EVC2: variants seen among roughly 807,000 people sequenced by gnomAD.
The protein encoded by EVC2 is EvC ciliary complex subunit 2.
EVC2 carries 148 observed loss-of-function variants against 149.3 expected under a neutral mutation model. That is an observed-to-expected ratio of 0.99 (90% confidence interval 0.87 to 1.14). The LOEUF is 1.14. Ranked by LOEUF, EVC2 falls within the 50% of genes most tolerant of loss-of-function variation. The probability of loss-of-function intolerance (pLI) is 0.00; values close to 1 mark genes in which losing one functional copy is unlikely to be tolerated. For missense variants in EVC2, 1,854 were observed against 1,627.3 expected (o/e 1.14, Z -2.40); for synonymous variants, 776 against 649.9 (o/e 1.19, Z -2.95).
chr4:5,606,113 A>C (rs778319143), intron 16 of EVC2, among the ~76,000 whole-genome samples: 10 of 152,168 alleles, frequency 6.6e-5, no homozygotes, highest in Non-Finnish European at 1.3e-4. Flanking sequence ...CTCCCCACCA[A>C]ATATTCTCTA....
chr4:5,646,220 C>G (rs561228640), intron 9 of EVC2, among the ~76,000 whole-genome samples: 2 of 152,278 alleles, frequency 1.3e-5, no homozygotes, highest in East Asian at 3.9e-4. Flanking sequence ...CATAAGCCAC[C>G]GTGCCAGGTC....
In EVC2 at chr4:5,696,353, G is replaced by C. The variant is rs192063543; in HGVS notation, c.283+1240C>G. Among the ~76,000 whole-genome samples the C allele has an allele frequency of 3.0e-4, 46 of 152,088 alleles. No homozygotes were observed. The highest frequency in any genetic ancestry group is 1.0e-3 in the African/African-American group (43 of 41,424). On this transcript the variant is annotated intron_variant, in intron 2 of 21. Coordinates refer to ENST00000344408, the MANE Select transcript of EVC2 (RefSeq NM_147127.5). This position sits in a 1 kb window ranked among gnomAD's most constrained non-coding sequence, Gnocchi z 4.1. ...CCCTCCTCTATTCAGCAAGAATCCC[G>C]CTCAGTCTACAGAGCCAAGTGGGGC... is the stretch of plus-strand genomic sequence containing the variant.
At position 5,562,505 on chromosome 4, in the gene EVC2, AC is replaced by A; in HGVS notation, c.*342del. The A allele has an allele frequency of 8.7e-7, 1 of 1,145,212 alleles. No homozygotes were observed. The highest frequency in any genetic ancestry group is 1.1e-6 in the Non-Finnish European group (1 of 928,874). The allele number at this position is 1,145,212 out of a possible 1,614,324, so 70.9% of individuals were successfully genotyped here. A position where few individuals can be genotyped will look rare whatever the true frequency, so the allele number is the denominator to read the frequency against. The stretch of plus-strand genomic sequence containing the variant: ...AAATAGAATATGTAACAAATACAAA[AC>A]ATAAGAGTAGAGAATCTGGCTGTCA... On this transcript the variant is annotated 3_prime_UTR_variant, in exon 22 of 22. Transcript: ENST00000344408. The surrounding 1 kb of genome is among the most constrained non-coding windows in gnomAD (Gnocchi z 4.3).
chr4:5,638,503 G>T (rs1267448908), intron 10 of EVC2, among the ~76,000 whole-genome samples: 1 of 152,076 alleles, frequency 6.6e-6, no homozygotes, highest in Non-Finnish European at 1.5e-5. Context: ...CTTCCTAAGG[G>T]CTCGGCTCAA....
In EVC2 at chr4:5,633,923, T is replaced by C. The variant is rs1716724344; in HGVS notation, c.1471-1891A>G. ...ACATGCTGATCTCTAGCTTTCTCCG[T>C]CTCTCCAGTCCCTTTTACTTATTGT... On this transcript the variant is annotated intron_variant, in intron 10 of 21. Coordinates refer to ENST00000344408, the MANE Select transcript of EVC2 (RefSeq NM_147127.5). The surrounding 1 kb of genome is among the most constrained non-coding windows in gnomAD (Gnocchi z 4.4). Among the ~76,000 whole-genome samples, 1 of 152,224 alleles carries C rather than the reference T, an allele frequency of 6.6e-6. No individual in the cohort carries two copies. The highest frequency in any genetic ancestry group is 6.5e-5 in the Admixed American group (1 of 15,286).
chr4:5,690,888 G>A (rs1043676513), intron 4 of EVC2, among the ~76,000 whole-genome samples: 2 of 152,144 alleles, frequency 1.3e-5, no homozygotes, highest in African/African-American at 4.8e-5. Context: ...CCTGACACAA[G>A]GATAATATGT....
rs34769603 is a variant in EVC2, at chr4:5,635,029, C to CTTTTTTTT, written c.1471-3005_1471-2998dup. Among the ~76,000 whole-genome samples the CTTTTTTTT allele has an allele frequency of 2.4e-4, 17 of 71,460 alleles. 1 individual carries two copies. The highest frequency in any genetic ancestry group is 1.5e-3 in the East Asian group (3 of 1,958). 46.9% of individuals were successfully genotyped at this position (71,460 alleles called of 152,430 possible). A position where few individuals can be genotyped will look rare whatever the true frequency, so the allele number is the denominator to read the frequency against. On this transcript the variant is annotated intron_variant, in intron 10 of 21. Coordinates refer to ENST00000344408, the MANE Select transcript of EVC2 (RefSeq NM_147127.5). ...ATTTTAAATACTGTCAACAAATGTGCTTTTTTTTTTTTTTTTTTTTTTTTT... is the reference window on the plus strand; with the variant it reads ...ATTTTAAATACTGTCAACAAATGTGCTTTTTTTTTTTTTTTTTTTTTTTTTTTTTTTTT...
At chr4:5,561,678 G>T (rs1308073030), downstream of EVC2, among the ~76,000 whole-genome samples, 2 of 152,130 alleles carry the variant, frequency 1.3e-5, no homozygotes, top group Non-Finnish European at 2.9e-5. Flanking sequence ...GGTTCAAATT[G>T]AGGATTCCTC....
At chr4:5,683,796 G>A (rs1424741066) in intron 6 of EVC2, among the ~76,000 whole-genome samples, 1 of 151,794 alleles carries the variant, frequency 6.6e-6, no homozygotes, top group Admixed American at 6.6e-5. Flanking sequence ...AGCTGGCCAG[G>A]AACACACACA....
chr4:5,608,330 G>A (rs115123492), intron 16 of EVC2, among the ~76,000 whole-genome samples: 1 of 152,174 alleles, frequency 6.6e-6, no homozygotes, highest in African/African-American at 2.4e-5. Flanking sequence ...TCCACAGTGG[G>A]CCTCTTGGGC....
At chr4:5,645,506 G>A (rs185320727) in intron 9 of EVC2, among the ~76,000 whole-genome samples, 6 of 152,068 alleles carry the variant, frequency 3.9e-5, no homozygotes, top group Admixed American at 1.3e-4. Context: ...GTGAGAATAC[G>A]CGGTGTTTGG....
intron 10 of EVC2, among the ~76,000 whole-genome samples, chr4:5,635,503 C>A (rs529402509): frequency 6.6e-6 from 1 of 152,180 alleles, no homozygotes; most frequent in Non-Finnish European, 1.5e-5. Context: ...GGGGCATAAA[C>A]CTTAAGGGAG....
At chr4:5,697,346 A>G (rs1033768708) in intron 2 of EVC2, among the ~76,000 whole-genome samples, 1 of 152,186 alleles carries the variant, frequency 6.6e-6, no homozygotes, top group Non-Finnish European at 1.5e-5. Context: ...CATTCACCAA[A>G]TGCCTTCAGG....
chr4:5,662,193 TC>T (rs1214389513), intron 9 of EVC2, among the ~76,000 whole-genome samples: 1 of 152,012 alleles, frequency 6.6e-6, no homozygotes, highest in African/African-American at 2.4e-5. Flanking sequence ...GCCCTTTCTT[TC>T]CTCTGTCTGA....
At chr4:5,561,260 A>T (rs140888826), downstream of EVC2, among the ~76,000 whole-genome samples, 3 of 152,326 alleles carry the variant, frequency 2.0e-5, no homozygotes, top group African/African-American at 7.2e-5. Flanking sequence ...CTTGCCCAAG[A>T]ACTTATGGCC....
In EVC2 at chr4:5,631,783, G is replaced by T; in HGVS notation, c.1710+10C>A. 1 of 1,613,488 alleles carries T rather than the reference G, an allele frequency of 6.2e-7. No individual in the cohort carries two copies. Among genetic ancestry groups the T allele is most frequent in the East Asian group, 2.2e-5 (1 of 44,872 alleles). On this transcript the variant is annotated intron_variant, in intron 11 of 21. Transcript: ENST00000344408. ...ATTACTTTTCCATCACAGCGAGGCT[G>T]ATGTATTACCTGTATTTTAGAATAA... is the stretch of plus-strand genomic sequence containing the variant.
In EVC2 at chr4:5,615,557, T is replaced by C; in HGVS notation, c.2707-13A>G. On this transcript the variant is annotated splice_polypyrimidine_tract_variant and intron_variant, in intron 15 of 21. Coordinates refer to ENST00000344408, the MANE Select transcript of EVC2 (RefSeq NM_147127.5). ...CCTTGGACTGTTGCTGGAGAGGGGT[T>C]GGGGAAGACGTGGGTAAGAAGGCAA... 1.2e-6 allele frequency: 2 copies of C among 1,614,076 alleles called. No homozygotes were observed. The highest frequency in any genetic ancestry group is 1.3e-5 in the African/African-American group (1 of 75,008).
rs529490215 is a variant in EVC2 at position 5,704,503 on chromosome 4, G to A, written c.228+3783C>T. On this transcript the variant is annotated intron_variant, in intron 1 of 21. Transcript: ENST00000344408. ...ATGTCAGGTAGGCATGCAGATCCAC[G>A]GTGGAGCTCAGAGAAGGTCTTGGCT... 7.9e-5 allele frequency among the ~76,000 whole-genome samples: 12 copies of A among 152,212 alleles called. 1 individual carries two copies. The highest frequency in any genetic ancestry group is 2.4e-4 in the African/African-American group (10 of 41,538).
downstream of EVC2, among the ~76,000 whole-genome samples, chr4:5,558,963 C>T (rs116561249): frequency 0.027 from 4,125 of 152,132 alleles, 102 homozygotes; most frequent in South Asian, 0.1. Context: ...AAGACCAAGG[C>T]GGGAGGATCA....
Sources: allele counts gnomAD v4.1 joint callset (sites outside exome capture counted in the v4.1 genomes callset), GRCh38; gene constraint gnomAD v4.1.1; non-coding constraint Gnocchi (gnomAD v3.1); transcripts MANE v1.5; gene names NCBI Gene and HGNC (gene_info 2026-07-23, HGNC 2026-07-21).